The following TNIP2 variants were observed in gnomAD, a reference collection of about 807,000 sequenced individuals.
The protein encoded by TNIP2 is TNFAIP3-interacting protein 2.
A neutral mutation model predicts 43.7 loss-of-function variants in TNIP2; 30 were observed. The observed-to-expected ratio is 0.69, with a 90% confidence interval of 0.51 to 0.93. The LOEUF (loss-of-function observed/expected upper bound fraction) is 0.93, where lower values mean the gene tolerates loss of function less well. TNIP2 is among the 40% of genes least tolerant of loss of function. The pLI, the probability that TNIP2 is intolerant of heterozygous loss-of-function variation, is 0.00. For missense variants in TNIP2, 599 were observed against 591.0 expected, an observed-to-expected ratio of 1.01 and a Z score of -0.14; for synonymous variants, 260 against 254.6, an observed-to-expected ratio of 1.02 and a Z score of -0.20.
chr4:2,747,628 C>A lies in TNIP2; in HGVS notation c.567+27G>T, dbSNP rs201614317. 7.8e-5 allele frequency: 124 copies of A among 1,579,904 alleles called. No individual in the cohort carries two copies. The Admixed American group carries it at 9.7e-4, about 12-fold the overall frequency. ...TGCTCCCAGCACACAGAGGTCTTCC[C>A]CACACTCTGCTTACACTGTGGCCTA... On this transcript the variant is annotated intron_variant, in intron 2 of 5. Transcript: ENST00000315423.
Position 2,744,573 on chromosome 4 carries a change from C to A in TNIP2, c.907-67G>T. 1 of 1,606,964 alleles carries A rather than the reference C, an allele frequency of 6.2e-7. No homozygotes were observed. The highest frequency in any genetic ancestry group is 8.5e-7 in the Non-Finnish European group (1 of 1,176,896). The stretch of plus-strand genomic sequence containing the variant: ...GAAGCGCCCCACCAGGCTTCTCCCA[C>A]CCCCACAGTGACCACTGCCCACTCA... On this transcript the variant is annotated intron_variant, in intron 4 of 5. Coordinates refer to ENST00000315423, the MANE Select transcript of TNIP2 (RefSeq NM_024309.4). The surrounding 1 kb of genome is among the most constrained non-coding windows in gnomAD (Gnocchi z 5.1).
intron 5 of TNIP2, among the ~76,000 whole-genome samples, chr4:2,742,943 G>A (rs1037298601): frequency 3.3e-5 from 5 of 152,230 alleles, no homozygotes; most frequent in Admixed American, 2.6e-4. Flanking sequence ...TGGGGGTGCT[G>A]AGCACTCTGG....
In TNIP2 at chr4:2,756,136, G is replaced by C. The variant is rs1435649693; in HGVS notation, c.154C>G (p.Leu52Val). ...GCGGCGTCCCCCTCCAGCGCGGCCA[G>C]GCGGGCGCGGAGGCGAGCGATGAGG... is the stretch of plus-strand genomic sequence containing the variant. Reference protein sequence around the residue: ...DALIARLRARLAALEGDAAPS... With the variant: ...DALIARLRARVAALEGDAAPS... Residue 52 changes from leucine (L) to valine (V), a missense_variant, in exon 1 of 6, where the codon CTG becomes GTG. Coordinates refer to ENST00000315423, the MANE Select transcript of TNIP2 (RefSeq NM_024309.4). 1 of 1,474,328 alleles carries C rather than the reference G, an allele frequency of 6.8e-7. No individual in the cohort carries two copies. Among genetic ancestry groups the C allele is most frequent in the African/African-American group, 1.5e-5 (1 of 68,086 alleles). 91.3% of individuals were successfully genotyped at this position (1,474,328 alleles called of 1,614,324 possible).
chr4:2,750,578 T>C (rs561174118), intron 1 of TNIP2, among the ~76,000 whole-genome samples: 15 of 151,868 alleles, frequency 9.9e-5, no homozygotes, highest in African/African-American at 3.4e-4. Context: ...GGGCTCGAGG[T>C]CAAGGCTGCA....
intron 2 of TNIP2, among the ~76,000 whole-genome samples, chr4:2,746,752 TGA>T (rs1721958109): frequency 6.6e-6 from 1 of 152,098 alleles, no homozygotes; most frequent in Non-Finnish European, 1.5e-5. Flanking sequence ...GCAGTGCGAG[TGA>T]GATGGGGTCT....
Sources: gnomAD v4.1 joint callset for allele counts (sites outside exome capture counted in the v4.1 genomes callset) on GRCh38, gnomAD v4.1.1 for gene constraint, Gnocchi (gnomAD v3.1) non-coding constraint, MANE v1.5 for transcripts, NCBI Gene and HGNC (gene_info 2026-07-23, HGNC 2026-07-21) for gene names.